The following TTC28 variants were observed in gnomAD, a reference collection of about 807,000 sequenced individuals.
TTC28 encodes the protein tetratricopeptide repeat domain 28.
TTC28 carries 61 observed loss-of-function variants against 198.0 expected under a neutral mutation model. The observed-to-expected ratio is 0.31, with a 90% CI of 0.25 to 0.38. The LOEUF (loss-of-function observed/expected upper bound fraction) is 0.38. Among genes scored for constraint, TTC28 ranks in the 10% least tolerant of loss-of-function variants. The pLI is 1.00. For synonymous variants in TTC28, 1,171 were observed against 1,297.8 expected (o/e 0.90, Z 2.10); for missense variants, 2,678 against 3,164.0 (o/e 0.85, Z 3.69).
intron 3 of TTC28, among the ~76,000 whole-genome samples, chr22:28,305,582 G>A (rs1436746678): frequency 6.6e-6 from 1 of 152,104 alleles, no homozygotes; most frequent in Non-Finnish European, 1.5e-5. Context: ...GAATGATGCT[G>A]CCATCAAAAA....
At chr22:28,402,719 T>G (rs1168247666) in intron 2 of TTC28, among the ~76,000 whole-genome samples, 1 of 152,210 alleles carries the variant, frequency 6.6e-6, no homozygotes, top group African/African-American at 2.4e-5. Context: ...TTTCTTCCGC[T>G]CTCAAACAGT....
chr22:28,231,116 G>A (rs959053844), intron 5 of TTC28, among the ~76,000 whole-genome samples: 2 of 152,128 alleles, frequency 1.3e-5, no homozygotes, highest in Non-Finnish European at 2.9e-5. Context: ...CACAACTACT[G>A]ACTACATATC....
In TTC28 at chr22:28,498,074, T is replaced by C. The variant is rs894570963; in HGVS notation, c.381+131478A>G. On this transcript the variant is annotated intron_variant, in intron 2 of 22. Coordinates refer to ENST00000397906, the MANE Select transcript of TTC28 (RefSeq NM_001145418.2). ...AGTAGCCACGGTTTTCACAGAAGAA[T>C]GATTAGTATTCCATCTTAAACTGGC... Among the ~76,000 whole-genome samples the C allele has an allele frequency of 7.3e-5, 11 of 151,218 alleles. 1 individual carries two copies. The South Asian group carries it at 2.3e-3, about 32-fold the overall frequency.
intron 5 of TTC28, among the ~76,000 whole-genome samples, chr22:28,249,781 T>C (rs1385042399): frequency 6.6e-6 from 1 of 152,222 alleles, no homozygotes; most frequent in Non-Finnish European, 1.5e-5. Context: ...AGAGGATGGA[T>C]GTGTTTCCAG....
intron 6 of TTC28, among the ~76,000 whole-genome samples, chr22:28,150,236 T>C (rs937689690): frequency 1.3e-5 from 2 of 152,158 alleles, no homozygotes; most frequent in Non-Finnish European, 2.9e-5. Context: ...AGCAGAACAT[T>C]ACCAGAGCCT....
intron 12 of TTC28, among the ~76,000 whole-genome samples, chr22:28,078,827 C>CTG (rs989373185): frequency 1.3e-5 from 2 of 152,046 alleles, no homozygotes; most frequent in African/African-American, 4.8e-5. Context: ...TTCTGAAAGG[C>CTG]TTTTCAGAGA....
chr22:28,011,447 T>C (rs181071694), intron 14 of TTC28, among the ~76,000 whole-genome samples: 1 of 152,196 alleles, frequency 6.6e-6, no homozygotes, highest in Admixed American at 6.5e-5. Context: ...AATATAAAAA[T>C]TAGCTGGGTG....
rs140910498 is a variant in TTC28 at position 28,274,299 on chromosome 22, G to A, written c.933+21899C>T. Among the ~76,000 whole-genome samples the A allele has an allele frequency of 9.0e-3, 1,371 of 152,260 alleles. 9 individuals carry two copies. Among genetic ancestry groups the A allele is most frequent in the Non-Finnish European group, 0.014 (931 of 68,014 alleles). On this transcript the variant is annotated intron_variant, in intron 5 of 22. Coordinates refer to ENST00000397906, the MANE Select transcript of TTC28 (RefSeq NM_001145418.2). The stretch of plus-strand genomic sequence containing the variant: ...TTCCATAGATAATACTTCAGTAAAA[G>A]TTTATTTAGACACATATACACATCA...
chr22:28,386,481 A>C (rs1192781934), intron 2 of TTC28, among the ~76,000 whole-genome samples: 4 of 152,068 alleles, frequency 2.6e-5, no homozygotes, highest in Non-Finnish European at 5.9e-5. Flanking sequence ...TGTTGAATTA[A>C]ATGAATTAAA....
intron 6 of TTC28, among the ~76,000 whole-genome samples, chr22:28,123,537 G>A (rs772201450): frequency 1.4e-4 from 22 of 152,280 alleles, no homozygotes; most frequent in Middle Eastern, 3.4e-3. Context: ...GATTATAGGC[G>A]TAAGCCACCA....
At chr22:28,169,304 C>G (rs1922389461) in intron 5 of TTC28, among the ~76,000 whole-genome samples, 1 of 152,058 alleles carries the variant, frequency 6.6e-6, no homozygotes. Context: ...ACCATTTGAC[C>G]CAGCCATCCG....
At chr22:28,234,702 A>C (rs560900735) in intron 5 of TTC28, among the ~76,000 whole-genome samples, 1 of 152,322 alleles carries the variant, frequency 6.6e-6, no homozygotes, top group South Asian at 2.1e-4. Context: ...ACTATACAGA[A>C]TTAGGGAGAA....
chr22:28,371,908 A>AT (rs1284143629), intron 2 of TTC28, among the ~76,000 whole-genome samples: 2 of 149,912 alleles, frequency 1.3e-5, no homozygotes, highest in Non-Finnish European at 3.0e-5. Context: ...TTTTTAATGA[A>AT]TTTTTTTTAT....
chr22:28,051,356 T>C lies in TTC28; in HGVS notation c.3933-20990A>G, dbSNP rs776064985. 3.9e-5 allele frequency among the ~76,000 whole-genome samples: 6 copies of C among 152,348 alleles called. No homozygotes were observed. In the South Asian group the frequency reaches 1.2e-3, roughly 32 times the overall value. Reference sequence around the variant, plus strand: ...AAAATAGTTTCCTGTTTGCCTGCAGTATTTGTTTTCTGAGAGGATATTCAG... The same window carrying C: ...AAAATAGTTTCCTGTTTGCCTGCAGCATTTGTTTTCTGAGAGGATATTCAG... On this transcript the variant is annotated intron_variant, in intron 12 of 22. Coordinates refer to ENST00000397906, the MANE Select transcript of TTC28 (RefSeq NM_001145418.2).
intron 2 of TTC28, among the ~76,000 whole-genome samples, chr22:28,544,438 G>C (rs892944267): frequency 3.3e-5 from 5 of 152,152 alleles, no homozygotes; most frequent in Non-Finnish European, 7.4e-5. Flanking sequence ...ACTAAGACTA[G>C]AATGAAACTT....
chr22:27,993,113 G>T, intron 18 of TTC28, 174 bp downstream of exon 18: 2 of 635,508 alleles, frequency 3.1e-6, no homozygotes, highest in Non-Finnish European at 5.3e-6. Context: ...AATGGCACTT[G>T]TTTCCTCCAG....
intron 1 of TTC28, among the ~76,000 whole-genome samples, chr22:28,647,881 T>C (rs957831869): frequency 8.6e-5 from 13 of 150,912 alleles, no homozygotes; most frequent in African/African-American, 2.2e-4. Flanking sequence ...AAGTGGGCAA[T>C]AGACATTTCT....
At chr22:28,349,201 G>C (rs2045953510) in intron 2 of TTC28, among the ~76,000 whole-genome samples, 1 of 151,834 alleles carries the variant, frequency 6.6e-6, no homozygotes, top group African/African-American at 2.4e-5. Flanking sequence ...ACACAGACAT[G>C]TACACACCCA....
In TTC28 at chr22:28,427,845, T is replaced by C. The variant is rs900676840; in HGVS notation, c.382-121202A>G. On this transcript the variant is annotated intron_variant, in intron 2 of 22. Coordinates refer to ENST00000397906, the MANE Select transcript of TTC28 (RefSeq NM_001145418.2). ...ATTAAGTCGAATAAAGGTAAAGAAG[T>C]CTCTCTTCTCCTCCCCTCCTACCTT... is the stretch of plus-strand genomic sequence containing the variant. Among the ~76,000 whole-genome samples the C allele has an allele frequency of 3.4e-4, 52 of 151,716 alleles. 1 individual carries two copies. Among genetic ancestry groups the C allele is most frequent in the Non-Finnish European group, 2.2e-4 (15 of 67,970 alleles).
Sources: allele counts gnomAD v4.1 joint callset (sites outside exome capture counted in the v4.1 genomes callset), GRCh38; gene constraint gnomAD v4.1.1; transcripts MANE v1.5; gene names NCBI Gene and HGNC (gene_info 2026-07-23, HGNC 2026-07-21).